Variants in GSTCD observed in about 807,000 individuals in gnomAD.
GSTCD encodes glutathione S-transferase C-terminal domain-containing protein.
A neutral mutation model predicts 68.3 loss-of-function variants in GSTCD; 44 were observed. The ratio of observed to expected loss-of-function variants is 0.64; its 90% CI spans 0.51 to 0.83. The LOEUF (loss-of-function observed/expected upper bound fraction) is 0.83, where lower values mean the gene tolerates loss of function less well. Among genes scored for constraint, GSTCD ranks in the 40% least tolerant of loss-of-function variants. The pLI, the probability that GSTCD is intolerant of heterozygous loss-of-function variation, is 0.00. For synonymous variants in GSTCD, 273 were observed against 255.2 expected (o/e 1.07, Z -0.67); for missense variants, 739 against 735.9 (o/e 1.00, Z -0.05).
intron 5 of GSTCD, among the ~76,000 whole-genome samples, chr4:105,797,760 C>CTTTTTTTTTT (rs70941218): frequency 1.9e-4 from 16 of 84,944 alleles, no homozygotes; most frequent in African/African-American, 7.1e-4. Flanking sequence ...CACAATAGAA[C>CTTTTTTTTTT]TTTTTTTTTT....
chr4:105,733,674 T>G (rs1203963615), intron 5 of GSTCD, among the ~76,000 whole-genome samples: 1 of 152,230 alleles, frequency 6.6e-6, no homozygotes, highest in Non-Finnish European at 1.5e-5. Flanking sequence ...ATTGGAGTAT[T>G]TAGCCCATTT....
At chr4:105,828,891 T>TC (rs1723777943) in intron 8 of GSTCD, among the ~76,000 whole-genome samples, 2 of 152,096 alleles carry the variant, frequency 1.3e-5, no homozygotes, top group South Asian at 4.2e-4. Flanking sequence ...AAACTACCTC[T>TC]CCCCAACTCC....
chr4:105,755,723 ATTAC>A (rs908859554), intron 5 of GSTCD, among the ~76,000 whole-genome samples: 2 of 152,224 alleles, frequency 1.3e-5, no homozygotes, highest in African/African-American at 4.8e-5. Flanking sequence ...TAAAAACAAT[ATTAC>A]TTACTGTGAG....
intron 5 of GSTCD, among the ~76,000 whole-genome samples, chr4:105,795,093 C>A (rs968321470): frequency 6.6e-6 from 1 of 152,010 alleles, no homozygotes; most frequent in African/African-American, 2.4e-5. Flanking sequence ...CCAGGCTGGT[C>A]TCAAACTCCT....
intron 4 of GSTCD, 139 bp from the exon 5 acceptor site, chr4:105,729,267 T>C (rs1214067920): frequency 5.0e-6 from 2 of 403,884 alleles, no homozygotes; most frequent in Non-Finnish European, 8.8e-6. Context: ...AATTAAAATA[T>C]GTATTTTGGG....
chr4:105,834,376 C>A (rs771287897), intron 8 of GSTCD, 85 bp from the exon 9 acceptor site: 35 of 1,316,536 alleles, frequency 2.7e-5, no homozygotes, highest in Admixed American at 4.1e-5. Flanking sequence ...TTTGGTATGG[C>A]CAAATGAGAA....
intron 5 of GSTCD, among the ~76,000 whole-genome samples, chr4:105,733,834 C>T (rs201727016): frequency 6.6e-6 from 1 of 152,112 alleles, no homozygotes; most frequent in African/African-American, 2.4e-5. Flanking sequence ...GCGGTTTTTC[C>T]TTTCCATGTT....
chr4:105,823,205 CTTGT>C lies in GSTCD; in HGVS notation c.1357-21_1357-18del, dbSNP rs1347628089. On this transcript the variant is annotated intron_variant, in intron 6 of 11. Coordinates refer to ENST00000515279, the MANE Select transcript of GSTCD (RefSeq NM_001370181.1). Reference sequence around the variant, plus strand: ...GAAAAGCTGTGGGGACCAAAGCTAACTTGTTTGTCTTACTGACTTTTTCAGGGCC... The same window carrying C: ...GAAAAGCTGTGGGGACCAAAGCTAACTTGTCTTACTGACTTTTTCAGGGCC... 1.9e-6 allele frequency: 3 copies of C among 1,612,982 alleles called. No individual in the cohort carries two copies. The African/African-American group carries it at 4.0e-5, about 22-fold the overall frequency.
intron 9 of GSTCD, among the ~76,000 whole-genome samples, chr4:105,836,748 C>T (rs1259566103): frequency 6.6e-6 from 1 of 152,230 alleles, no homozygotes; most frequent in Non-Finnish European, 1.5e-5. Flanking sequence ...GTTACTACCA[C>T]TTCCTGTCTT....
chr4:105,745,308 A>G (rs1315859290), intron 5 of GSTCD, among the ~76,000 whole-genome samples: 1 of 152,210 alleles, frequency 6.6e-6, no homozygotes, highest in Non-Finnish European at 1.5e-5. Flanking sequence ...TACTTGTGCT[A>G]TTCTGTACAA....
At position 105,845,585 on chromosome 4, in the gene GSTCD, T is replaced by C; in HGVS notation, c.*8T>C. The C allele has an allele frequency of 6.2e-7, 1 of 1,613,756 alleles. No individual in the cohort carries two copies. The highest frequency in any genetic ancestry group is 8.5e-7 in the Non-Finnish European group (1 of 1,179,798). On this transcript the variant is annotated 3_prime_UTR_variant, in exon 12 of 12. Transcript: ENST00000515279. ...GTGGGAGTCCCCATTTAAAATGAGA[T>C]ATTCACATTTGATATTTTGCCATCC... is the stretch of plus-strand genomic sequence containing the variant.
At chr4:105,843,241 C>G (rs148830950) in intron 11 of GSTCD, among the ~76,000 whole-genome samples, 1 of 152,124 alleles carries the variant, frequency 6.6e-6, no homozygotes, top group Non-Finnish European at 1.5e-5. Flanking sequence ...GTAAGTGATT[C>G]CTTCTCTTTC....
Position 105,825,745 on chromosome 4 carries a change from A to G in GSTCD, c.1475A>G (p.Asn492Ser), listed in dbSNP as rs545057649. 1.9e-6 allele frequency: 3 copies of G among 1,551,800 alleles called. No homozygotes were observed. The African/African-American group carries it at 4.1e-5, about 21-fold the overall frequency. Residue 492 changes from asparagine to serine, a missense_variant, in exon 8 of 12, where the codon AAC becomes AGC. By Grantham distance (46) the Asn-to-Ser change is conservative (BLOSUM62 1). Coordinates refer to ENST00000515279, the MANE Select transcript of GSTCD (RefSeq NM_001370181.1). ...AGAAGTGATGAACTGGGTTTAAGCA[A>G]CATTTGGTTCATTCAAGCAAATATG... ...KKRSDELGLSNIWFIQANMEY... is the reference protein window; with the variant it reads ...KKRSDELGLSSIWFIQANMEY...
chr4:105,730,837 T>C (rs1265921016), intron 5 of GSTCD, among the ~76,000 whole-genome samples: 3 of 152,198 alleles, frequency 2.0e-5, no homozygotes, highest in Non-Finnish European at 2.9e-5. Flanking sequence ...TCCTGAATGG[T>C]ATTGCCTAGG....
intron 2 of GSTCD, 61 bp downstream of exon 2, chr4:105,718,100 C>A (rs953512999): frequency 1.6e-6 from 2 of 1,283,652 alleles, no homozygotes; most frequent in African/African-American, 1.5e-5. Flanking sequence ...AATTACCTGA[C>A]CATTTAATAT....
At chr4:105,800,119 G>C (rs1483223449) in intron 5 of GSTCD, among the ~76,000 whole-genome samples, 2 of 152,108 alleles carry the variant, frequency 1.3e-5, no homozygotes. Context: ...ACCCGAGACT[G>C]GGCAATTTAC....
At chr4:105,784,845 T>G (rs1172150983) in intron 5 of GSTCD, among the ~76,000 whole-genome samples, 1 of 152,208 alleles carries the variant, frequency 6.6e-6, no homozygotes, top group Non-Finnish European at 1.5e-5. Context: ...TCAAACTAAC[T>G]CCTGCATCGT....
intron 2 of GSTCD, 125 bp downstream of exon 2, chr4:105,718,164 C>T: frequency 1.4e-6 from 1 of 738,306 alleles, no homozygotes; most frequent in Non-Finnish European, 2.1e-6. Context: ...CCCCAGTAAC[C>T]AATGAAATAA....
intron 7 of GSTCD, among the ~76,000 whole-genome samples, chr4:105,823,971 G>C (rs917224324): frequency 6.6e-6 from 1 of 152,104 alleles, no homozygotes; most frequent in African/African-American, 2.4e-5. Flanking sequence ...ATTTTGTGCT[G>C]ATTTTAGTCT....
Sources: allele counts gnomAD v4.1 joint callset (sites outside exome capture counted in the v4.1 genomes callset), GRCh38; gene constraint gnomAD v4.1.1; transcripts MANE v1.5; gene names NCBI Gene and HGNC (gene_info 2026-07-23, HGNC 2026-07-21).